Variants in CARF observed in about 807,000 individuals in gnomAD.
CARF encodes calcium-responsive transcription factor.
A neutral mutation model predicts 82.0 loss-of-function variants in CARF; 57 were observed. That is an observed-to-expected ratio of 0.70 (90% CI 0.56 to 0.87). The LOEUF (loss-of-function observed/expected upper bound fraction) is 0.87, where lower values mean the gene tolerates loss of function less well. Among genes scored for constraint, CARF ranks in the 40% least tolerant of loss-of-function variants. CARF has a pLI of 0.00. For synonymous variants in CARF, 268 were observed against 290.1 expected (o/e 0.92, Z 0.77); for missense variants, 771 against 855.8 (o/e 0.90, Z 1.24).
Position 202,949,908 on chromosome 2 carries a change from A to G in CARF, c.307-2651A>G, listed in dbSNP as rs561269329. ...AGATTCTGTAGTGGGTGAATCTGCAATGGATGAAGATGTTTTGGAGTGAAG... is the reference window on the plus strand; with the variant it reads ...AGATTCTGTAGTGGGTGAATCTGCAGTGGATGAAGATGTTTTGGAGTGAAG... On this transcript the variant is annotated intron_variant, in intron 5 of 16. Coordinates refer to ENST00000438828, the MANE Select transcript of CARF (RefSeq NM_024744.17). Among the ~76,000 whole-genome samples, 5 of 152,284 alleles carry G rather than the reference A, an allele frequency of 3.3e-5. No homozygotes were observed. The South Asian group carries it at 8.3e-4, about 25-fold the overall frequency.
chr2:202,981,819 C>T, intron 15 of CARF, 134 bp downstream of exon 15: 1 of 1,025,806 alleles, frequency 9.7e-7, no homozygotes, highest in Middle Eastern at 2.2e-4. Context: ...TTGTTAATTT[C>T]CTGATCTTTT....
chr2:202,979,798 C>CAA (rs796554415), intron 14 of CARF, among the ~76,000 whole-genome samples: 1 of 109,190 alleles, frequency 9.2e-6, no homozygotes, highest in Non-Finnish European at 1.9e-5. Context: ...AAGACTGTCT[C>CAA]AAAAAAAAAA....
At chr2:202,942,695 A>C in intron 4 of CARF, 45 bp from the exon 5 acceptor site, 1 of 1,410,454 alleles carries the variant, frequency 7.1e-7, no homozygotes, top group Non-Finnish European at 9.6e-7. Context: ...CATCTTTAAA[A>C]AAAATGGTGA....
rs199839011 is a variant in CARF, at chr2:202,984,032, A to AT, written c.*418dup. Reference sequence around the variant, plus strand: ...TTGTATGTGTGTATGTATATCATGAATTTTTTTTTTAAGTTCTGAAAAAGA... The same window carrying AT: ...TTGTATGTGTGTATGTATATCATGAATTTTTTTTTTTAAGTTCTGAAAAAGA... On this transcript the variant is annotated 3_prime_UTR_variant, in exon 17 of 17. Transcript: ENST00000438828. The AT allele has an allele frequency of 1.2e-4, 19 of 152,258 alleles. No individual in the cohort carries two copies. The highest frequency in any genetic ancestry group is 2.0e-4 in the Admixed American group (3 of 15,150). 9.4% of individuals were successfully genotyped at this position (152,258 alleles called of 1,614,324 possible). A position where few individuals can be genotyped will look rare whatever the true frequency, so the allele number is the denominator to read the frequency against.
At chr2:202,961,995 C>T (rs2059341964) in intron 9 of CARF, 1 of 152,556 alleles carries the variant, frequency 6.6e-6, no homozygotes, top group Admixed American at 6.5e-5. Flanking sequence ...AGTTAGAGCC[C>T]CAAAGAATCT....
chr2:202,925,476 C>T, intron 3 of CARF: 2 of 262,844 alleles, frequency 7.6e-6, no homozygotes, highest in South Asian at 4.6e-5. Context: ...AAACTGAAAG[C>T]ATGTACAAGG....
Position 202,988,197 on chromosome 2 carries a change from T to G in CARF, c.*4573T>G, listed in dbSNP as rs965539842. On this transcript the variant is annotated 3_prime_UTR_variant, in exon 17 of 17. Coordinates refer to ENST00000438828, the MANE Select transcript of CARF (RefSeq NM_024744.17). ...TATGAATATATCAATTTGTTTATTC[T>G]TTTGATGATGGACATTAATAGTTCT... 2.6e-5 allele frequency among the ~76,000 whole-genome samples: 4 copies of G among 152,236 alleles called. No homozygotes were observed. Among genetic ancestry groups the G allele is most frequent in the African/African-American group, 9.6e-5 (4 of 41,464 alleles).
rs865925738 is a variant in CARF, at chr2:202,983,565, C to G, written c.2119C>G (p.Pro707Ala). ...VSQVKQEPKE[P>A]ALSMEAKKTV... is the part of the protein sequence containing the mutation. ...CCAAGTTAAACAAGAACCCAAAGAACCAGCATTGTCTATGGAAGCAAAAAA... is the reference window on the plus strand; with the variant it reads ...CCAAGTTAAACAAGAACCCAAAGAAGCAGCATTGTCTATGGAAGCAAAAAA... The change falls in exon 17 of 17, where the codon CCA becomes GCA. Residue 707 changes from proline (P) to alanine (A), a missense_variant. Transcript: ENST00000438828. 1.9e-6 allele frequency: 3 copies of G among 1,612,168 alleles called. No homozygotes were observed. The African/African-American group carries it at 4.0e-5, about 22-fold the overall frequency.
intron 3 of CARF, among the ~76,000 whole-genome samples, chr2:202,936,504 T>G (rs1693976621): frequency 6.6e-6 from 1 of 152,214 alleles, no homozygotes; most frequent in African/African-American, 2.4e-5. Flanking sequence ...TTGGATATTT[T>G]ATGTAAATAG....
chr2:202,933,414 G>A (rs868667539), intron 3 of CARF, among the ~76,000 whole-genome samples: 6 of 152,194 alleles, frequency 3.9e-5, no homozygotes, highest in South Asian at 2.1e-4. Context: ...GGGTAGCACA[G>A]CAGTGTGGAC....
intron 2 of CARF, among the ~76,000 whole-genome samples, chr2:202,918,885 A>C (rs1390324860): frequency 6.6e-6 from 1 of 152,252 alleles, no homozygotes; most frequent in African/African-American, 2.4e-5. Context: ...AACCACAAAA[A>C]GTCTTTAACC....
At chr2:202,970,179 G>T (rs2059729667) in intron 11 of CARF, 117 bp downstream of exon 11, 2 of 952,886 alleles carry the variant, frequency 2.1e-6, no homozygotes, top group East Asian at 5.8e-5. Flanking sequence ...GTTTTATAAG[G>T]TAGAGATATC....
rs1559249865 is a variant in CARF, at chr2:202,961,361, C to T, written c.767C>T (p.Pro256Leu). 1 of 1,614,200 alleles carries T rather than the reference C, an allele frequency of 6.2e-7. No individual in the cohort carries two copies. The highest frequency in any genetic ancestry group is 8.5e-7 in the Non-Finnish European group (1 of 1,180,042). The change falls in exon 9 of 17, where the codon CCT (proline) becomes CTT (leucine). Residue 256 changes from proline (P) to leucine (L), a missense_variant. Physicochemically the swap from Pro to Leu is moderately conservative, Grantham distance 98. Transcript: ENST00000438828. The part of the protein sequence containing the change: ...GTRQSPSPAK[P>L]ATRLMWKSQY... The stretch of plus-strand genomic sequence containing the variant: ...CGTCAGTCTCCAAGCCCAGCCAAGC[C>T]TGCTACACGCTTGATGTGGAAATCC...
chr2:202,972,887 AG>A (rs2059859260), intron 12 of CARF, among the ~76,000 whole-genome samples: 1 of 152,136 alleles, frequency 6.6e-6, no homozygotes, highest in Admixed American at 6.5e-5. Flanking sequence ...AAGGAAATAC[AG>A]CAGGTCCTTG....
Position 202,952,698 on chromosome 2 carries a change from T to C in CARF, c.427+19T>C. The C allele has an allele frequency of 4.4e-6, 7 of 1,598,246 alleles. No homozygotes were observed. The highest frequency in any genetic ancestry group is 6.0e-6 in the Non-Finnish European group (7 of 1,171,326). Reference sequence around the variant, plus strand: ...CCTCGGGGTGAGTAACAACGGGATATAGGGGATTTGAGAGTGTTTTAAAAA... The same window carrying C: ...CCTCGGGGTGAGTAACAACGGGATACAGGGGATTTGAGAGTGTTTTAAAAA... On this transcript the variant is annotated intron_variant, in intron 6 of 16. Coordinates refer to ENST00000438828, the MANE Select transcript of CARF (RefSeq NM_024744.17).
Position 202,977,260 on chromosome 2 carries a change from C to G in CARF, c.1495-9C>G. 6.3e-7 allele frequency: 1 copy of G among 1,593,586 alleles called. No homozygotes were observed. Among genetic ancestry groups the G allele is most frequent in the South Asian group, 1.1e-5 (1 of 87,854 alleles). On this transcript the variant is annotated splice_polypyrimidine_tract_variant and intron_variant, in intron 13 of 16. Transcript: ENST00000438828. Reference sequence around the variant, plus strand: ...TTTATTTTTACTGAAATAAATGTTCCCATTTCAGCTTCAATGGACTACAGA... The same window carrying G: ...TTTATTTTTACTGAAATAAATGTTCGCATTTCAGCTTCAATGGACTACAGA...
intron 3 of CARF, among the ~76,000 whole-genome samples, chr2:202,940,311 A>G (rs4461244): frequency 0.91 from 138,380 of 152,150 alleles, 63,234 homozygotes; most frequent in Non-Finnish European, 0.95. Flanking sequence ...TGAGATTACC[A>G]GCATGAGCCA....
Position 202,969,908 on chromosome 2 carries a change from C to T in CARF, c.954-11C>T. 9 of 1,427,458 alleles carry T rather than the reference C, an allele frequency of 6.3e-6. No individual in the cohort carries two copies. The highest frequency in any genetic ancestry group is 8.4e-6 in the Non-Finnish European group (9 of 1,065,952). The allele number at this position is 1,427,458 out of a possible 1,614,324, so 88.4% of individuals were successfully genotyped here. ...TATAATGAAACAAATTCTTCTTTAT[C>T]TTGTATAAAGGATTTACATTAAAAA... On this transcript the variant is annotated splice_polypyrimidine_tract_variant and intron_variant, in intron 10 of 16. Transcript: ENST00000438828.
chr2:202,963,711 G>A (rs1030593707), intron 9 of CARF, among the ~76,000 whole-genome samples: 2 of 152,216 alleles, frequency 1.3e-5, no homozygotes, highest in African/African-American at 4.8e-5. Context: ...AGCTGGAGGT[G>A]ATCGGAGACA....
Sources: allele counts gnomAD v4.1 joint callset (sites outside exome capture counted in the v4.1 genomes callset), GRCh38; gene constraint gnomAD v4.1.1; transcripts MANE v1.5; gene names NCBI Gene and HGNC (gene_info 2026-07-23, HGNC 2026-07-21).